The following DISP1 variants were observed in gnomAD, a reference collection of about 807,000 sequenced individuals.
DISP1 encodes protein dispatched homolog 1.
In DISP1, 30 loss-of-function variants were observed where a neutral mutation model predicts 37.3. The observed-to-expected ratio is 0.80, with a 90% CI of 0.60 to 1.09. The LOEUF is 1.09. DISP1 is among the 50% of genes least tolerant of loss of function. The pLI is 0.00. For synonymous variants in DISP1, 634 were observed against 690.2 expected (o/e 0.92, Z 1.28); for missense variants, 1,598 against 1,879.5 (o/e 0.85, Z 2.77).
At chr1:222,962,303 T>C (rs1676129821) in intron 3 of DISP1, among the ~76,000 whole-genome samples, 1 of 152,138 alleles carries the variant, frequency 6.6e-6, no homozygotes. Flanking sequence ...GGGAAAAACA[T>C]TCCATGCTCA....
At chr1:222,952,254 A>G (rs1360509423) in intron 3 of DISP1, among the ~76,000 whole-genome samples, 1 of 152,152 alleles carries the variant, frequency 6.6e-6, no homozygotes, top group Non-Finnish European at 1.5e-5. Flanking sequence ...ACTGCTCACA[A>G]TTTCAGTACT....
chr1:222,948,772 A>G (rs1674978038), intron 3 of DISP1, among the ~76,000 whole-genome samples: 1 of 152,212 alleles, frequency 6.6e-6, no homozygotes, highest in South Asian at 2.1e-4. Flanking sequence ...GTAAAATTGT[A>G]TGGTGATGGA....
At chr1:222,892,938 G>A (rs1322410524) in intron 1 of DISP1, among the ~76,000 whole-genome samples, 1 of 152,124 alleles carries the variant, frequency 6.6e-6, no homozygotes, top group African/African-American at 2.4e-5. Flanking sequence ...AAGTCTCAAG[G>A]CAATTAATGT....
intron 3 of DISP1, among the ~76,000 whole-genome samples, chr1:222,951,936 T>G (rs1675254027): frequency 6.6e-6 from 1 of 152,234 alleles, no homozygotes; most frequent in African/African-American, 2.4e-5. Flanking sequence ...CAGGCAAGTT[T>G]TATGTGTAAA....
chr1:222,827,064 G>A (rs1156960031), intron 1 of DISP1, among the ~76,000 whole-genome samples: 1 of 152,126 alleles, frequency 6.6e-6, no homozygotes, highest in African/African-American at 2.4e-5. Flanking sequence ...CTCACAAGAC[G>A]TTTTCTGCCT....
At chr1:222,953,242 G>A (rs1675357781) in intron 3 of DISP1, among the ~76,000 whole-genome samples, 2 of 152,066 alleles carry the variant, frequency 1.3e-5, no homozygotes, top group African/African-American at 2.4e-5. Context: ...TTAACACAGT[G>A]CCTGTTACCA....
At chr1:222,972,742 C>T (rs1677052523) in intron 3 of DISP1, among the ~76,000 whole-genome samples, 1 of 152,148 alleles carries the variant, frequency 6.6e-6, no homozygotes, top group Non-Finnish European at 1.5e-5. Flanking sequence ...TCCTATTCCC[C>T]ATTCATTCAC....
intron 1 of DISP1, among the ~76,000 whole-genome samples, chr1:222,830,238 G>A (rs1004790694): frequency 6.6e-6 from 1 of 152,104 alleles, no homozygotes; most frequent in Admixed American, 6.5e-5. Context: ...TTTGAAAGTA[G>A]ATTTTATTTT....
chr1:222,912,780 A>G (rs1470289455), intron 1 of DISP1, among the ~76,000 whole-genome samples: 2 of 152,234 alleles, frequency 1.3e-5, no homozygotes, highest in African/African-American at 4.8e-5. Flanking sequence ...AGCCAATCAT[A>G]GTATATTCTT....
chr1:222,962,987 C>T (rs891931656), intron 3 of DISP1, among the ~76,000 whole-genome samples: 1 of 152,158 alleles, frequency 6.6e-6, no homozygotes, highest in Non-Finnish European at 1.5e-5. Flanking sequence ...CCAGAGTGAA[C>T]AGGCAACCTA....
At chr1:222,966,145 G>A (rs1159296793) in intron 3 of DISP1, among the ~76,000 whole-genome samples, 3 of 152,154 alleles carry the variant, frequency 2.0e-5, no homozygotes, top group African/African-American at 4.8e-5. Flanking sequence ...TTTTTACACT[G>A]AAGCATTTCT....
At chr1:222,882,509 T>C (rs776988837) in intron 1 of DISP1, among the ~76,000 whole-genome samples, 2 of 152,204 alleles carry the variant, frequency 1.3e-5, no homozygotes, top group Non-Finnish European at 2.9e-5. Context: ...CTGCGTTAGA[T>C]TTAAAAGTAT....
intron 1 of DISP1, among the ~76,000 whole-genome samples, chr1:222,886,829 A>C (rs540736047): frequency 6.6e-6 from 1 of 152,346 alleles, no homozygotes; most frequent in East Asian, 1.9e-4. Context: ...TTGAAACATC[A>C]TATTTACATA....
At chr1:222,891,995 G>C (rs1670969504) in intron 1 of DISP1, among the ~76,000 whole-genome samples, 1 of 152,048 alleles carries the variant, frequency 6.6e-6, no homozygotes, top group African/African-American at 2.4e-5. Flanking sequence ...AATTAATGGG[G>C]GTGGGGAGAG....
intron 4 of DISP1, among the ~76,000 whole-genome samples, chr1:222,989,226 A>G (rs899403710): frequency 2.0e-5 from 3 of 152,230 alleles, no homozygotes; most frequent in Admixed American, 6.5e-5. Context: ...TCAAAAATAT[A>G]TGAGTAAGAA....
At chr1:222,991,753 C>CA (rs1327759010) in intron 6 of DISP1, 106 bp downstream of exon 6, 15 of 1,304,230 alleles carry the variant, frequency 1.2e-5, no homozygotes. Flanking sequence ...ATGTGTGGCT[C>CA]AAAATCTTTG....
chr1:222,926,971 G>A (rs1673121920), intron 1 of DISP1, among the ~76,000 whole-genome samples: 1 of 151,938 alleles, frequency 6.6e-6, no homozygotes. Flanking sequence ...GATTATTTGG[G>A]GGTTACAAAT....
chr1:222,875,711 C>G (rs1435510416), intron 1 of DISP1, among the ~76,000 whole-genome samples: 1 of 148,066 alleles, frequency 6.8e-6, no homozygotes, highest in Non-Finnish European at 1.5e-5. Context: ...CCTGTAATCC[C>G]AGCTACTTGG....
In DISP1 at chr1:222,942,912, CCT is replaced by C. The variant is rs1433162850; in HGVS notation, c.90_91del (p.Cys31Ter). 3 of 1,614,098 alleles carry C rather than the reference CCT, an allele frequency of 1.9e-6. No individual in the cohort carries two copies. Among genetic ancestry groups the C allele is most frequent in the Non-Finnish European group, 2.5e-6 (3 of 1,180,012 alleles). Reference sequence around the variant, plus strand: ...GCTGCTAACCCGAGTCCCCTCACCCCCTGTGATGGAGACCATGCAGCCCAGCA... The same window carrying C: ...GCTGCTAACCCGAGTCCCCTCACCCCGTGATGGAGACCATGCAGCCCAGCA... On this transcript the variant is annotated frameshift_variant, in exon 3 of 9. Transcript: ENST00000675850. LOFTEE classifies it high-confidence loss of function.
Sources: gnomAD v4.1 joint callset for allele counts (sites outside exome capture counted in the v4.1 genomes callset) on GRCh38, gnomAD v4.1.1 for gene constraint, MANE v1.5 for transcripts, NCBI Gene and HGNC (gene_info 2026-07-23, HGNC 2026-07-21) for gene names.